IL2RA: variants seen among roughly 807,000 people sequenced by gnomAD.
The protein encoded by IL2RA is interleukin-2 receptor subunit alpha.
In IL2RA, 24 loss-of-function variants were observed where a neutral mutation model predicts 37.8. The ratio of observed to expected loss-of-function variants is 0.63; its 90% CI spans 0.46 to 0.89. The LOEUF (loss-of-function observed/expected upper bound fraction) is 0.89, where lower values mean the gene tolerates loss of function less well. Among genes scored for constraint, IL2RA ranks in the 40% least tolerant of loss-of-function variants. IL2RA has a pLI of 0.00. For missense variants in IL2RA, 319 were observed against 348.6 expected (o/e 0.92, Z 0.68); for synonymous variants, 125 against 114.6 (o/e 1.09, Z -0.58).
intron 1 of IL2RA, 28 bp downstream of exon 1, chr10:6,062,060 A>G (rs1263606385): frequency 6.2e-7 from 1 of 1,603,284 alleles, no homozygotes; most frequent in African/African-American, 1.3e-5. Flanking sequence ...GCCTTCCCGG[A>G]ATTCCGGGGG....
At chr10:6,052,928 G>A (rs1337901306) in intron 1 of IL2RA, among the ~76,000 whole-genome samples, 1 of 152,104 alleles carries the variant, frequency 6.6e-6, no homozygotes, top group African/African-American at 2.4e-5. Context: ...AGGCTGCAGG[G>A]AACAGCAGGA....
chr10:6,031,539 GTAGTTAGTTC>G (rs1839594079), intron 1 of IL2RA, among the ~76,000 whole-genome samples: 2 of 119,364 alleles, frequency 1.7e-5, no homozygotes, highest in Non-Finnish European at 1.7e-5. Context: ...TATATCACTT[GTAGTTAGTTC>G]TATATACTGA....
intron 1 of IL2RA, 50 bp downstream of exon 1, chr10:6,062,038 G>T: frequency 1.4e-6 from 2 of 1,436,436 alleles, no homozygotes; most frequent in Non-Finnish European, 2.0e-6. Context: ...CTGGGAAGAG[G>T]GATGCCCATC....
chr10:6,024,053 A>G (rs1839435587), intron 3 of IL2RA, among the ~76,000 whole-genome samples, 191 bp downstream of exon 3: 2 of 152,212 alleles, frequency 1.3e-5, no homozygotes, highest in African/African-American at 4.8e-5. Context: ...GATTGGCTTT[A>G]GTTGCTGAGC....
intron 1 of IL2RA, among the ~76,000 whole-genome samples, chr10:6,027,484 G>A (rs1839503749): frequency 6.6e-6 from 1 of 152,200 alleles, no homozygotes; most frequent in Non-Finnish European, 1.5e-5. Flanking sequence ...TCATGATAAG[G>A]CAAGAGCAGC....
At position 6,024,474 on chromosome 10, in the gene IL2RA, G is replaced by A. The variant is rs144887378; in HGVS notation, c.257-120C>T. 220 of 758,550 alleles carry A rather than the reference G, an allele frequency of 2.9e-4. 1 individual carries two copies. In the African/African-American group the frequency reaches 3.5e-3, roughly 12 times the overall value. The allele number at this position is 758,550 out of a possible 1,614,324, so 47.0% of individuals were successfully genotyped here. The stretch of plus-strand genomic sequence containing the variant: ...CAGGGCCCACGATGTGTCTGGTGGT[G>A]TCTGGCTGCTGAGCTTACAAATACG... On this transcript the variant is annotated intron_variant, in intron 2 of 7. Coordinates refer to ENST00000379959, the MANE Select transcript of IL2RA (RefSeq NM_000417.3).
rs886047081 is a variant in IL2RA, at chr10:6,012,779, C to T, written c.*93G>A. 3.0e-5 allele frequency: 40 copies of T among 1,326,656 alleles called. 1 individual carries two copies. Among genetic ancestry groups the T allele is most frequent in the East Asian group, 4.6e-5 (2 of 43,538 alleles). The allele number at this position is 1,326,656 out of a possible 1,614,324, so 82.2% of individuals were successfully genotyped here. A position where few individuals can be genotyped will look rare whatever the true frequency, so the allele number is the denominator to read the frequency against. On this transcript the variant is annotated 3_prime_UTR_variant, in exon 8 of 8. Coordinates refer to ENST00000379959, the MANE Select transcript of IL2RA (RefSeq NM_000417.3). This position sits in a 1 kb window ranked among gnomAD's most constrained non-coding sequence, Gnocchi z 4.8. ...GCAAGCACAACGGATGTCTCCTGGG[C>T]GACCATTTAGCACCTTTGATTTCAC...
chr10:6,012,952 T>C lies in IL2RA; in HGVS notation c.795-56A>G. ...TGTGTAACACGGCACCAAAAAAATG[T>C]GGTCCTCACTCTAAACCAGTGCACA... On this transcript the variant is annotated intron_variant, in intron 7 of 7. Coordinates refer to ENST00000379959, the MANE Select transcript of IL2RA (RefSeq NM_000417.3). This position sits in a 1 kb window ranked among gnomAD's most constrained non-coding sequence, Gnocchi z 4.8. The C allele has an allele frequency of 1.9e-6, 3 of 1,559,790 alleles. No homozygotes were observed. Among genetic ancestry groups the C allele is most frequent in the East Asian group, 2.2e-5 (1 of 44,622 alleles).
intron 1 of IL2RA, among the ~76,000 whole-genome samples, chr10:6,060,728 G>A (rs1465727628): frequency 1.3e-5 from 2 of 152,048 alleles, no homozygotes; most frequent in Non-Finnish European, 2.9e-5. Flanking sequence ...CTGCACTCCA[G>A]CCTGGGCAAC....
intron 1 of IL2RA, among the ~76,000 whole-genome samples, chr10:6,045,554 G>A (rs762045606): frequency 1.9e-4 from 29 of 152,174 alleles, no homozygotes; most frequent in Non-Finnish European, 7.3e-5. Flanking sequence ...GCTCACCACA[G>A]AATGTCAACC....
intron 1 of IL2RA, among the ~76,000 whole-genome samples, chr10:6,059,822 A>G (rs1246679067): frequency 6.6e-6 from 1 of 152,106 alleles, no homozygotes; most frequent in Non-Finnish European, 1.5e-5. Flanking sequence ...TGATAGCCCA[A>G]CGCTCCGTAG....
At chr10:6,042,950 C>T (rs1473557841) in intron 1 of IL2RA, among the ~76,000 whole-genome samples, 1 of 152,164 alleles carries the variant, frequency 6.6e-6, no homozygotes, top group Admixed American at 6.5e-5. Flanking sequence ...TCAAAGAGAA[C>T]ATTTTAAATA....
chr10:6,044,037 CA>C lies in IL2RA; in HGVS notation c.65-18013del, dbSNP rs1839812494. On this transcript the variant is annotated intron_variant, in intron 1 of 7. Transcript: ENST00000379959. This position sits in a 1 kb window ranked among gnomAD's most constrained non-coding sequence, Gnocchi z 4.5. ...AAAGAAACCCCCCTCTCCCCAAACT[CA>C]GTGGCAAGTCCACAGCGGGGAAAGT... Among the ~76,000 whole-genome samples, 1 of 152,236 alleles carries C rather than the reference CA, an allele frequency of 6.6e-6. No homozygotes were observed.
In IL2RA at chr10:6,062,138, A is replaced by T; in HGVS notation, c.14T>A (p.Leu5Gln). Reference sequence around the variant, plus strand: ...GAACGTGAGCAGTCCCCACATCAGCAGGTATGAATCCATCTTCCTGACCCT... The same window carrying T: ...GAACGTGAGCAGTCCCCACATCAGCTGGTATGAATCCATCTTCCTGACCCT... MDSYLLMWGLLTFIM... is the reference protein window; with the variant it reads MDSYQLMWGLLTFIM... The change falls in exon 1 of 8, where the codon CTG (leucine) becomes CAG (glutamine). Residue 5 changes from leucine (L) to glutamine (Q), a missense_variant. Transcript: ENST00000379959. The T allele has an allele frequency of 1.2e-6, 2 of 1,613,996 alleles. No individual in the cohort carries two copies. Among genetic ancestry groups the T allele is most frequent in the Non-Finnish European group, 1.7e-6 (2 of 1,179,878 alleles).
intron 7 of IL2RA, among the ~76,000 whole-genome samples, chr10:6,016,292 A>G (rs1318341398): frequency 1.3e-5 from 2 of 152,140 alleles, no homozygotes; most frequent in East Asian, 1.9e-4. Context: ...CCCTTGATAC[A>G]TGGGGGCCCC....
At chr10:6,040,836 G>A (rs1459318119) in intron 1 of IL2RA, among the ~76,000 whole-genome samples, 3 of 152,150 alleles carry the variant, frequency 2.0e-5, no homozygotes, top group Non-Finnish European at 4.4e-5. Flanking sequence ...ATTTAATTAA[G>A]TACTTAGAAA....
intron 1 of IL2RA, among the ~76,000 whole-genome samples, chr10:6,040,597 A>G (rs79171305): frequency 6.6e-6 from 1 of 152,252 alleles, no homozygotes; most frequent in East Asian, 1.9e-4. Context: ...TAAATTTGCA[A>G]TACATGGTAT....
At position 6,014,933 on chromosome 10, in the gene IL2RA, G is replaced by C. The variant is rs1839251435; in HGVS notation, c.795-2037C>G. ...GGCTGGGCTAAGGGCTTTGGTTTTG[G>C]GGGAGTGGATCTGTATTTTCTCAGG... is the stretch of plus-strand genomic sequence containing the variant. On this transcript the variant is annotated intron_variant, in intron 7 of 7. Coordinates refer to ENST00000379959, the MANE Select transcript of IL2RA (RefSeq NM_000417.3). This position sits in a 1 kb window ranked among gnomAD's most constrained non-coding sequence, Gnocchi z 4.4. Among the ~76,000 whole-genome samples, 1 of 152,222 alleles carries C rather than the reference G, an allele frequency of 6.6e-6. No individual in the cohort carries two copies. Among genetic ancestry groups the C allele is most frequent in the East Asian group, 1.9e-4 (1 of 5,184 alleles).
chr10:6,038,831 C>G (rs11256457), intron 1 of IL2RA, among the ~76,000 whole-genome samples: 53,814 of 151,778 alleles, frequency 0.35, 10,214 homozygotes, highest in Admixed American at 0.47. Context: ...AAAATTACAT[C>G]TAAAATGACA....
Sources: gnomAD v4.1 joint callset for allele counts (sites outside exome capture counted in the v4.1 genomes callset) on GRCh38, gnomAD v4.1.1 for gene constraint, Gnocchi (gnomAD v3.1) non-coding constraint, MANE v1.5 for transcripts, NCBI Gene and HGNC (gene_info 2026-07-23, HGNC 2026-07-21) for gene names.